Variants in PVT1 observed in about 807,000 individuals in gnomAD.
PVT1 encodes Pvt1 oncogene, also known as CXCR4/PVT1 fusion.
intron 6 of PVT1, among the ~76,000 whole-genome samples, chr8:128,098,560 G>T (rs1419618496): frequency 6.6e-6 from 1 of 152,218 alleles, no homozygotes; most frequent in Admixed American, 6.5e-5. Flanking sequence ...TGTTCTGGTT[G>T]TGTGACCTTG....
intron 3 of PVT1, among the ~76,000 whole-genome samples, chr8:127,914,260 C>CAAAAAAAAAAAAAAAAAAAAAAAAAAAAA (rs60359946): frequency 2.1e-5 from 1 of 47,864 alleles, no homozygotes; most frequent in African/African-American, 5.7e-5. Flanking sequence ...CCACCAACAG[C>CAAAAAAAAAAAAAAAAAAAAAAAAAAAAA]AAAAAAAAAA....
At position 128,084,574 on chromosome 8, in the gene PVT1, C is replaced by T. The variant is rs138409286; in HGVS notation, n.1115-11944C>T. 2.8e-3 allele frequency among the ~76,000 whole-genome samples: 422 copies of T among 152,206 alleles called. 2 individuals carry two copies. The highest frequency in any genetic ancestry group is 9.7e-3 in the African/African-American group (404 of 41,530). On this transcript the variant is annotated intron_variant and non_coding_transcript_variant, in intron 5 of 10. Transcript: ENST00000651587. Reference sequence around the variant, plus strand: ...GTAAGCCAAGTGAAGAATGAGGTATCGTTTTGTTCATCAAGGAATCCACAG... The same window carrying T: ...GTAAGCCAAGTGAAGAATGAGGTATTGTTTTGTTCATCAAGGAATCCACAG...
intron 3 of PVT1, chr8:127,983,876 A>ATTTTTTTTTT (rs33948305): frequency 4.1e-5 from 5 of 120,986 alleles, no homozygotes; most frequent in Admixed American, 9.1e-5. Context: ...CTTGACTTTG[A>ATTTTTTTTTT]TTTTTTTTTT....
Position 128,029,268 on chromosome 8 carries a change from GCACACCACCACCCT to G in PVT1, n.912+39980_912+39993del, listed in dbSNP as rs1158130443. Among the ~76,000 whole-genome samples, 3 of 150,658 alleles carry G rather than the reference GCACACCACCACCCT, an allele frequency of 2.0e-5. No homozygotes were observed. In the East Asian group the frequency reaches 5.9e-4, roughly 30 times the overall value. ...CTTCCAAGTAGCTGGGACCACAGGT[GCACACCACCACCCT>G]CAGTTAATTTTTTGACTTTTTTTTT... On this transcript the variant is annotated intron_variant and non_coding_transcript_variant, in intron 4 of 10. Transcript: ENST00000651587.
rs529490797 is a variant in PVT1, at chr8:127,984,875, T to TTC, written n.783-4285_783-4284dup. Among the ~76,000 whole-genome samples the TTC allele has an allele frequency of 1.0e-2, 858 of 86,212 alleles. 34 individuals carry two copies. Among genetic ancestry groups the TTC allele is most frequent in the South Asian group, 0.026 (50 of 1,920 alleles). The allele number at this position is 86,212 out of a possible 152,430, so 56.6% of individuals were successfully genotyped here. A position where few individuals can be genotyped will look rare whatever the true frequency, so the allele number is the denominator to read the frequency against. On this transcript the variant is annotated intron_variant and non_coding_transcript_variant, in intron 3 of 10. Transcript: ENST00000651587. ...TTTCTTTCTTTCTTTCTTTCTTTCT[T>TTC]TCTTTCTTTCTTTCTTTCTTTCTTT...
At chr8:127,855,527 T>G (rs1815151439) in intron 2 of PVT1, among the ~76,000 whole-genome samples, 7 of 152,162 alleles carry the variant, frequency 4.6e-5, no homozygotes, top group Admixed American at 4.6e-4. Context: ...GACACTGGAC[T>G]AGAGCAGTGT....
intron 3 of PVT1, among the ~76,000 whole-genome samples, chr8:127,974,245 A>G (rs956729850): frequency 1.3e-5 from 2 of 152,164 alleles, no homozygotes; most frequent in Non-Finnish European, 1.5e-5. Flanking sequence ...TACAGTTTCC[A>G]TTCTCTGATT....
At chr8:127,993,630 A>G (rs1158262410) in intron 4 of PVT1, among the ~76,000 whole-genome samples, 1 of 152,206 alleles carries the variant, frequency 6.6e-6, no homozygotes, top group African/African-American at 2.4e-5. Flanking sequence ...TTGACAGCAC[A>G]TAGGACATGC....
At chr8:127,815,120 C>G (rs1003838080) in intron 2 of PVT1, among the ~76,000 whole-genome samples, 3 of 152,154 alleles carry the variant, frequency 2.0e-5, no homozygotes, top group Non-Finnish European at 4.4e-5. Flanking sequence ...CGTGCACCAC[C>G]ACGCGTGGCT....
In PVT1 at chr8:127,858,642, T is replaced by TTA. The variant is rs552831146; in HGVS notation, n.373-31945_373-31944dup. Among the ~76,000 whole-genome samples the TTA allele has an allele frequency of 4.0e-3, 612 of 151,860 alleles. 3 individuals carry two copies. Among genetic ancestry groups the TTA allele is most frequent in the Non-Finnish European group, 7.1e-3 (483 of 67,958 alleles). ...AAGCCTGTTTTCTGTAAAGGAATGATTATTGTACAAGGATTTCTGGAACTG... is the reference window on the plus strand; with the variant it reads ...AAGCCTGTTTTCTGTAAAGGAATGATTATATTGTACAAGGATTTCTGGAACTG... On this transcript the variant is annotated intron_variant and non_coding_transcript_variant, in intron 2 of 10. Transcript: ENST00000651587.
At chr8:128,038,484 G>A (rs1813490506) in intron 4 of PVT1, among the ~76,000 whole-genome samples, 1 of 152,224 alleles carries the variant, frequency 6.6e-6, no homozygotes, top group Admixed American at 6.5e-5. Flanking sequence ...ATTTCCAGCA[G>A]TGATAAGTCC....
chr8:127,984,995 T>TTCCTTCCC (rs1816946107), intron 3 of PVT1, among the ~76,000 whole-genome samples: 1 of 43,462 alleles, frequency 2.3e-5, no homozygotes, highest in Non-Finnish European at 4.2e-5. Context: ...TTCTTTCTCT[T>TTCCTTCCC]TCCTTCCTTC....
intron 3 of PVT1, among the ~76,000 whole-genome samples, chr8:127,958,692 A>G (rs1816600729): frequency 6.6e-6 from 1 of 152,160 alleles, no homozygotes; most frequent in Admixed American, 6.5e-5. Context: ...TTAGGATTCC[A>G]AGTCCAAGGC....
chr8:128,071,274 G>C (rs1813984950), intron 5 of PVT1, among the ~76,000 whole-genome samples: 1 of 152,164 alleles, frequency 6.6e-6, no homozygotes, highest in Admixed American at 6.5e-5. Context: ...TGCCTGCTGA[G>C]GACAGGTGCA....
At chr8:127,877,899 C>A (rs1297885433) in intron 2 of PVT1, among the ~76,000 whole-genome samples, 1 of 152,160 alleles carries the variant, frequency 6.6e-6, no homozygotes, top group Non-Finnish European at 1.5e-5. Context: ...GCACTCCAGC[C>A]TGGGTGACAG....
chr8:127,812,256 C>CAGGAAGGAAGGAAGGAAGGA (rs548047681), intron 2 of PVT1, among the ~76,000 whole-genome samples: 4 of 119,222 alleles, frequency 3.4e-5, no homozygotes, highest in African/African-American at 1.3e-4. Flanking sequence ...GGCAGGAAGG[C>CAGGAAGGAAGGAAGGAAGGA]AGGAAGGCAG....
At chr8:127,914,815 GTTT>G (rs1181623236) in intron 3 of PVT1, among the ~76,000 whole-genome samples, 5 of 130,802 alleles carry the variant, frequency 3.8e-5, no homozygotes, top group Admixed American at 7.7e-5. Context: ...GTTGTTGTTG[GTTT>G]TTTTTTTTTT....
At chr8:127,805,070 A>ACAGGCGCTCACC in intron 2 of PVT1, among the ~76,000 whole-genome samples, 1 of 150,856 alleles carries the variant, frequency 6.6e-6, no homozygotes, top group Middle Eastern at 3.4e-3. Context: ...AGCTGGCATT[A>ACAGGCGCTCACC]CAGGCGCTCA....
intron 3 of PVT1, among the ~76,000 whole-genome samples, chr8:127,985,323 C>T (rs539311941): frequency 2.6e-5 from 4 of 152,042 alleles, no homozygotes; most frequent in East Asian, 3.9e-4. Flanking sequence ...TGAGCCACCG[C>T]GCCCAGCCTT....
Sources: allele counts gnomAD v4.1 joint callset (sites outside exome capture counted in the v4.1 genomes callset), GRCh38; gene constraint gnomAD v4.1.1; transcripts MANE v1.5; gene names NCBI Gene and HGNC (gene_info 2026-07-23, HGNC 2026-07-21).